The following MPP7 variants were observed in gnomAD, a reference collection of about 807,000 sequenced individuals.
MPP7 encodes the protein MAGUK p55 scaffold protein 7.
In MPP7, 60 loss-of-function variants were observed where a neutral mutation model predicts 76.5. That is an observed-to-expected ratio of 0.78 (90% confidence interval 0.64 to 0.97). The LOEUF (loss-of-function observed/expected upper bound fraction) is 0.97. Among genes scored for constraint, MPP7 ranks in the 50% least tolerant of loss-of-function variants. MPP7 has a pLI of 0.00. For synonymous variants in MPP7, 237 were observed against 244.5 expected, an observed-to-expected ratio of 0.97 and a Z score of 0.29; for missense variants, 641 against 694.0, an observed-to-expected ratio of 0.92 and a Z score of 0.86.
intron 11 of MPP7, among the ~76,000 whole-genome samples, chr10:28,093,308 A>T (rs1853408501): frequency 6.6e-6 from 1 of 152,142 alleles, no homozygotes; most frequent in African/African-American, 2.4e-5. Flanking sequence ...CAAGAACATA[A>T]ATGCTTCATC....
At chr10:28,174,751 T>A (rs952418640) in intron 3 of MPP7, among the ~76,000 whole-genome samples, 2 of 152,114 alleles carry the variant, frequency 1.3e-5, no homozygotes, top group African/African-American at 2.4e-5. Flanking sequence ...CAGAAACACA[T>A]ACACATTCAG....
intron 3 of MPP7, among the ~76,000 whole-genome samples, chr10:28,181,190 TACTC>T (rs911092094): frequency 1.3e-5 from 2 of 152,166 alleles, no homozygotes; most frequent in African/African-American, 2.4e-5. Context: ...CATTTAAAAA[TACTC>T]AATTTTAAAA....
chr10:28,330,458 A>T (rs1249319), intron 1 of MPP7, among the ~76,000 whole-genome samples: 15,899 of 151,052 alleles, frequency 0.11, 1,117 homozygotes, highest in African/African-American at 0.2. Context: ...TTAAACAGAA[A>T]AGATTTTTTA....
intron 2 of MPP7, among the ~76,000 whole-genome samples, chr10:28,309,404 A>T (rs1589045918): frequency 7.7e-6 from 1 of 129,138 alleles, no homozygotes; most frequent in African/African-American, 3.1e-5. Flanking sequence ...ACAGAGTGAG[A>T]CTCCATCTCA....
chr10:28,332,537 A>T (rs1265611151), intron 1 of MPP7, among the ~76,000 whole-genome samples: 1 of 152,220 alleles, frequency 6.6e-6, no homozygotes, highest in Non-Finnish European at 1.5e-5. Context: ...GTATAGTTAG[A>T]AAACTTTATC....
intron 2 of MPP7, among the ~76,000 whole-genome samples, chr10:28,219,870 C>T (rs1048474239): frequency 1.3e-5 from 2 of 152,128 alleles, no homozygotes; most frequent in African/African-American, 4.8e-5. Context: ...CAGCACTGTT[C>T]GGTGCCATTC....
At chr10:28,267,355 G>A (rs1250134625) in intron 1 of MPP7, among the ~76,000 whole-genome samples, 1 of 152,166 alleles carries the variant, frequency 6.6e-6, no homozygotes, top group Non-Finnish European at 1.5e-5. Context: ...TGGGTATAGT[G>A]TGGTGAACAA....
At chr10:28,168,873 T>C (rs1836581503) in intron 3 of MPP7, among the ~76,000 whole-genome samples, 2 of 152,200 alleles carry the variant, frequency 1.3e-5, no homozygotes, top group African/African-American at 4.8e-5. Flanking sequence ...TTTATATTCA[T>C]AACCCATCTA....
chr10:28,087,049 A>G (rs1005585464), intron 12 of MPP7, among the ~76,000 whole-genome samples: 4 of 152,190 alleles, frequency 2.6e-5, no homozygotes, highest in African/African-American at 7.2e-5. Context: ...GTGGGGCCCA[A>G]GGAGAGGTGT....
upstream of MPP7, among the ~76,000 whole-genome samples, chr10:28,334,713 T>C (rs1402870715): frequency 6.6e-6 from 1 of 152,220 alleles, no homozygotes; most frequent in African/African-American, 2.4e-5. Context: ...CAATGTTTTA[T>C]TTACACAGTT....
At chr10:28,143,869 G>C (rs1255009763) in intron 5 of MPP7, among the ~76,000 whole-genome samples, 3 of 138,400 alleles carry the variant, frequency 2.2e-5, no homozygotes, top group African/African-American at 8.5e-5. Flanking sequence ...GTGTGTGTGT[G>C]TGTGTGTGTG....
chr10:28,070,451 A>T (rs1852191459), intron 12 of MPP7, among the ~76,000 whole-genome samples: 1 of 152,216 alleles, frequency 6.6e-6, no homozygotes, highest in Non-Finnish European at 1.5e-5. Context: ...GAGCCTAAAA[A>T]CATGTCTACC....
intron 12 of MPP7, among the ~76,000 whole-genome samples, chr10:28,074,475 T>G (rs898990140): frequency 1.3e-5 from 2 of 152,108 alleles, no homozygotes; most frequent in African/African-American, 2.4e-5. Context: ...TTTTTGTAAT[T>G]TTAGTAGAGG....
chr10:28,249,882 T>G (rs552869578), intron 1 of MPP7, among the ~76,000 whole-genome samples: 2 of 152,296 alleles, frequency 1.3e-5, no homozygotes, highest in South Asian at 4.1e-4. Context: ...GGGCCATTGT[T>G]TTAGCCAAGA....
At chr10:28,183,877 C>T (rs889268886) in intron 3 of MPP7, among the ~76,000 whole-genome samples, 2 of 152,068 alleles carry the variant, frequency 1.3e-5, no homozygotes, top group African/African-American at 2.4e-5. Flanking sequence ...GGTGCAAATC[C>T]TGGCGTATAG....
At chr10:28,228,967 G>A (rs1212746449) in intron 2 of MPP7, among the ~76,000 whole-genome samples, 1 of 152,112 alleles carries the variant, frequency 6.6e-6, no homozygotes, top group African/African-American at 2.4e-5. Flanking sequence ...CTATATAAGA[G>A]GGTTAAGAAA....
At chr10:28,254,412 A>C (rs768888650) in intron 1 of MPP7, among the ~76,000 whole-genome samples, 84 of 152,156 alleles carry the variant, frequency 5.5e-4, no homozygotes, top group Non-Finnish European at 9.4e-4. Context: ...ATTACCTGAA[A>C]CCTCTGGGCT....
intron 12 of MPP7, among the ~76,000 whole-genome samples, chr10:28,071,364 C>T (rs1034037824): frequency 6.6e-6 from 1 of 152,148 alleles, no homozygotes; most frequent in Non-Finnish European, 1.5e-5. Flanking sequence ...GCTGTTCTTG[C>T]TCTAATGCCA....
Position 28,332,243 on chromosome 10 carries a change from A to ATGTGTGTGTGTGTGTGTGTG in MPP7, c.-206+2174_-206+2175insCACACACACACACACACACA, listed in dbSNP as rs775712498. The stretch of plus-strand genomic sequence containing the variant: ...CGTACATTGCCAGTTTGTCAAATGT[A>ATGTGTGTGTGTGTGTGTGTG]TGCGTGTGTGTGTGTGTGTGTGTGT... On this transcript the variant is annotated intron_variant, in intron 1 of 11. Transcript: ENST00000441595. Among the ~76,000 whole-genome samples the ATGTGTGTGTGTGTGTGTGTG allele has an allele frequency of 1.9e-3, 190 of 102,036 alleles. 1 individual carries two copies. The highest frequency in any genetic ancestry group is 9.6e-3 in the South Asian group (31 of 3,244). The allele number at this position is 102,036 out of a possible 152,430, so 66.9% of individuals were successfully genotyped here.
Sources: allele counts gnomAD v4.1 joint callset (sites outside exome capture counted in the v4.1 genomes callset), GRCh38; gene constraint gnomAD v4.1.1; transcripts MANE v1.5; gene names NCBI Gene and HGNC (gene_info 2026-07-23, HGNC 2026-07-21).